The following CENPW variants were observed in gnomAD, a reference collection of about 807,000 sequenced individuals.
CENPW encodes the protein centromere protein W.
CENPW carries 3 observed loss-of-function variants against 11.1 expected under a neutral mutation model. The observed-to-expected ratio is 0.27, with a 90% confidence interval of 0.12 to 0.70. CENPW has a LOEUF of 0.70. Among genes scored for constraint, CENPW ranks in the 30% least tolerant of loss-of-function variants. CENPW has a pLI of 0.77. For missense variants in CENPW, 100 were observed against 105.6 expected, an observed-to-expected ratio of 0.95 and a Z score of 0.23; for synonymous variants, 38 against 42.0, an observed-to-expected ratio of 0.91 and a Z score of 0.37.
the CENPW span, among the ~76,000 whole-genome samples, chr6:126,368,684 G>T: frequency 2.0e-5 from 3 of 150,710 alleles, no homozygotes; most frequent in Admixed American, 2.0e-4. Context: ...TCACTCTGTT[G>T]CCCAGGCTGG....
chr6:126,468,412 C>A, the CENPW span, among the ~76,000 whole-genome samples: 1 of 90,090 alleles, frequency 1.1e-5, no homozygotes, highest in Admixed American at 1.6e-4. Context: ...AAGAGCTAAA[C>A]TCTGTCTCAA....
At chr6:126,375,161 G>T in the CENPW span, among the ~76,000 whole-genome samples, 3 of 152,184 alleles carry the variant, frequency 2.0e-5, no homozygotes, top group African/African-American at 4.8e-5. Context: ...GATCTGATGG[G>T]AGAGAGTTTC....
At chr6:126,360,312 CCTT>C in the CENPW span, among the ~76,000 whole-genome samples, 4,286 of 152,110 alleles carry the variant, frequency 0.028, 80 homozygotes, top group Non-Finnish European at 0.041. Flanking sequence ...TGATGGGGTT[CCTT>C]TTGTATGTGG....
At chr6:126,415,095 A>G in the CENPW span, among the ~76,000 whole-genome samples, 4 of 152,138 alleles carry the variant, frequency 2.6e-5, no homozygotes, top group Non-Finnish European at 5.9e-5. Context: ...TGAACCTGTA[A>G]TAAAAAATCT....
At chr6:126,348,428 T>A (rs1439167052) in intron 2 of CENPW, 38 bp from the exon 3 acceptor site, 1 of 1,066,542 alleles carries the variant, frequency 9.4e-7, no homozygotes. Context: ...TTATTTTTCA[T>A]AGATATAATA....
the CENPW span, among the ~76,000 whole-genome samples, chr6:126,386,909 G>A: frequency 1.3e-5 from 2 of 152,032 alleles, no homozygotes; most frequent in East Asian, 3.9e-4. Context: ...TACATTCTGT[G>A]CCCTATTAAA....
chr6:126,356,038 A>C, the CENPW span, among the ~76,000 whole-genome samples: 1 of 152,170 alleles, frequency 6.6e-6, no homozygotes, highest in Non-Finnish European at 1.5e-5. Context: ...AGAAATCTGG[A>C]TGACTGTCTT....
the CENPW span, among the ~76,000 whole-genome samples, chr6:126,466,722 A>G: frequency 6.6e-6 from 1 of 152,108 alleles, no homozygotes; most frequent in African/African-American, 2.4e-5. Context: ...AATGTAAGGA[A>G]GGGGTCCAGT....
chr6:126,413,779 C>T, the CENPW span, among the ~76,000 whole-genome samples: 1 of 151,482 alleles, frequency 6.6e-6, no homozygotes, highest in Non-Finnish European at 1.5e-5. Context: ...TATATAAAAC[C>T]ACCAGAATAC....
chr6:126,359,070 A>G, the CENPW span, among the ~76,000 whole-genome samples: 1 of 151,884 alleles, frequency 6.6e-6, no homozygotes, highest in African/African-American at 2.4e-5. Context: ...GTTTAGCACT[A>G]CAGAATTTCC....
the CENPW span, among the ~76,000 whole-genome samples, chr6:126,411,561 G>A: frequency 1.3e-5 from 2 of 152,088 alleles, no homozygotes; most frequent in Non-Finnish European, 2.9e-5. Context: ...CTGTATCAGG[G>A]TCAGATGTGG....
the CENPW span, among the ~76,000 whole-genome samples, chr6:126,417,969 A>T: frequency 6.6e-5 from 10 of 152,342 alleles, no homozygotes; most frequent in Middle Eastern, 3.4e-3. Context: ...TCTAAAGAAA[A>T]TATAAAAATG....
the CENPW span, among the ~76,000 whole-genome samples, chr6:126,399,042 T>C: frequency 6.6e-6 from 1 of 152,134 alleles, no homozygotes; most frequent in Non-Finnish European, 1.5e-5. Flanking sequence ...CCATATTTTC[T>C]TTATCCAGTT....
the CENPW span, among the ~76,000 whole-genome samples, chr6:126,414,160 G>GAT: frequency 6.6e-6 from 1 of 151,818 alleles, no homozygotes; most frequent in Non-Finnish European, 1.5e-5. Flanking sequence ...AGAACACATG[G>GAT]ATATATAAAG....
the CENPW span, among the ~76,000 whole-genome samples, chr6:126,471,982 T>C: frequency 2.0e-5 from 3 of 152,190 alleles, no homozygotes; most frequent in Non-Finnish European, 4.4e-5. Flanking sequence ...CTTTATATAT[T>C]TCAACAAAAG....
the CENPW span, among the ~76,000 whole-genome samples, chr6:126,372,300 A>C: frequency 0.037 from 5,633 of 152,310 alleles, 151 homozygotes; most frequent in Non-Finnish European, 0.054. Context: ...CAATTTATGC[A>C]TGTGAAAAAT....
In CENPW at chr6:126,348,188, A is replaced by G. The variant is rs563836525; in HGVS notation, c.241-278A>G. Reference sequence around the variant, plus strand: ...TTAATCTGGACACTTTTGGTTTACAATAGAAGAAATTAACATCTAGAGGTA... The same window carrying G: ...TTAATCTGGACACTTTTGGTTTACAGTAGAAGAAATTAACATCTAGAGGTA... On this transcript the variant is annotated intron_variant, in intron 2 of 2. Coordinates refer to ENST00000368328, the MANE Select transcript of CENPW (RefSeq NM_001012507.4). Among the ~76,000 whole-genome samples, 170 of 152,098 alleles carry G rather than the reference A, an allele frequency of 1.1e-3. 1 individual carries two copies. Among genetic ancestry groups the G allele is most frequent in the Non-Finnish European group, 1.9e-3 (130 of 67,826 alleles).
chr6:126,344,630 C>T (rs1780372689), intron 1 of CENPW, among the ~76,000 whole-genome samples: 1 of 152,286 alleles, frequency 6.6e-6, no homozygotes, highest in East Asian at 1.9e-4. Context: ...TGCTTTACCT[C>T]AGAGTTCTTG....
chr6:126,374,644 C>T, the CENPW span, among the ~76,000 whole-genome samples: 2 of 152,118 alleles, frequency 1.3e-5, no homozygotes, highest in Non-Finnish European at 2.9e-5. Context: ...CCTGTGAACA[C>T]GTAAGTCTTG....
Sources: gnomAD v4.1 joint callset for allele counts (sites outside exome capture counted in the v4.1 genomes callset) on GRCh38, gnomAD v4.1.1 for gene constraint, MANE v1.5 for transcripts, NCBI Gene and HGNC (gene_info 2026-07-23, HGNC 2026-07-21) for gene names.